Variants in PLCH1 observed in about 807,000 individuals in gnomAD.
The protein encoded by PLCH1 is phospholipase C eta 1.
PLCH1 carries 60 observed loss-of-function variants against 126.7 expected under a neutral mutation model. The ratio of observed to expected loss-of-function variants is 0.47; its 90% CI spans 0.38 to 0.59. PLCH1 has a LOEUF of 0.59. PLCH1 is among the 20% of genes least tolerant of loss of function. The probability of loss-of-function intolerance (pLI) is 0.00; values close to 1 mark genes in which losing one functional copy is unlikely to be tolerated. For synonymous variants in PLCH1, 719 were observed against 734.9 expected (o/e 0.98, Z 0.35); for missense variants, 1,723 against 2,040.0 (o/e 0.84, Z 2.99).
chr3:155,714,836 G>C (rs765034234), intron 1 of PLCH1, among the ~76,000 whole-genome samples: 15 of 152,174 alleles, frequency 9.9e-5, no homozygotes, highest in African/African-American at 3.4e-4. Flanking sequence ...CCCAAGCAAG[G>C]CTGGCCTATA....
chr3:155,719,447 A>G (rs1029562033), intron 1 of PLCH1, among the ~76,000 whole-genome samples: 12 of 152,182 alleles, frequency 7.9e-5, no homozygotes, highest in African/African-American at 2.9e-4. Context: ...GCACACCAAC[A>G]TGGCACATGT....
intron 2 of PLCH1, among the ~76,000 whole-genome samples, chr3:155,685,556 G>A (rs1228735861): frequency 1.3e-5 from 2 of 152,130 alleles, no homozygotes; most frequent in Admixed American, 6.5e-5. Context: ...AGTTGGAGAC[G>A]ATGTGACAGT....
At chr3:155,567,994 C>G (rs1203425732) in intron 7 of PLCH1, among the ~76,000 whole-genome samples, 1 of 152,116 alleles carries the variant, frequency 6.6e-6, no homozygotes, top group Non-Finnish European at 1.5e-5. Flanking sequence ...CGTGGTGGTA[C>G]CAGGTAGACT....
chr3:155,549,548 C>T (rs1725828210), intron 10 of PLCH1, among the ~76,000 whole-genome samples: 1 of 152,090 alleles, frequency 6.6e-6, no homozygotes, highest in Admixed American at 6.6e-5. Flanking sequence ...ATTTGGCTTA[C>T]AGTATTGATG....
chr3:155,540,051 C>T (rs948987427), intron 10 of PLCH1, among the ~76,000 whole-genome samples: 2 of 151,994 alleles, frequency 1.3e-5, no homozygotes, highest in South Asian at 4.1e-4. Flanking sequence ...GCACATAGAC[C>T]AATGGAACAG....
intron 10 of PLCH1, among the ~76,000 whole-genome samples, chr3:155,547,766 C>T (rs1370856922): frequency 6.6e-6 from 1 of 151,112 alleles, no homozygotes; most frequent in Admixed American, 6.6e-5. Context: ...TGGAAATCAT[C>T]ATTCTCAGTA....
chr3:155,703,463 C>T (rs1746423355), intron 2 of PLCH1, among the ~76,000 whole-genome samples: 1 of 152,196 alleles, frequency 6.6e-6, no homozygotes, highest in African/African-American at 2.4e-5. Flanking sequence ...ATTGACAGAG[C>T]TTATCCCTGA....
intron 2 of PLCH1, among the ~76,000 whole-genome samples, chr3:155,645,841 G>C (rs777963447): frequency 6.6e-6 from 1 of 152,176 alleles, no homozygotes; most frequent in African/African-American, 2.4e-5. Context: ...AGGAGGTAAA[G>C]GGAATGGGAT....
At chr3:155,714,293 G>A (rs763028531) in intron 1 of PLCH1, among the ~76,000 whole-genome samples, 41 of 148,262 alleles carry the variant, frequency 2.8e-4, no homozygotes, top group Non-Finnish European at 5.0e-4. Flanking sequence ...GATGGGGTGG[G>A]AGGGGCCAGG....
chr3:155,611,769 G>C (rs754353994), intron 2 of PLCH1, among the ~76,000 whole-genome samples: 34 of 152,094 alleles, frequency 2.2e-4, no homozygotes, highest in Non-Finnish European at 4.0e-4. Context: ...GATAGGTCAT[G>C]AAAAAAGTCT....
intron 2 of PLCH1, among the ~76,000 whole-genome samples, chr3:155,623,855 A>ATTC: frequency 6.6e-6 from 1 of 152,350 alleles, no homozygotes; most frequent in East Asian, 1.9e-4. Flanking sequence ...TTCTGAAACT[A>ATTC]TTCCAAACAA....
chr3:155,612,156 A>AAAAAT (rs1173092372), intron 2 of PLCH1, among the ~76,000 whole-genome samples: 2 of 151,880 alleles, frequency 1.3e-5, no homozygotes, highest in African/African-American at 2.4e-5. Context: ...GTCTCTACTA[A>AAAAAT]AAAATAAAAT....
chr3:155,453,793 TA>T (rs1712372489), intron 21 of PLCH1, among the ~76,000 whole-genome samples: 1 of 151,312 alleles, frequency 6.6e-6, no homozygotes. Flanking sequence ...TAATAAATTA[TA>T]AATATGTATT....
intron 17 of PLCH1, among the ~76,000 whole-genome samples, chr3:155,493,501 C>T (rs994355383): frequency 1.3e-5 from 2 of 152,120 alleles, no homozygotes; most frequent in Non-Finnish European, 2.9e-5. Flanking sequence ...GATTCTCCTA[C>T]CTCAACTTCC....
intron 2 of PLCH1, among the ~76,000 whole-genome samples, chr3:155,655,013 C>A (rs1000165532): frequency 6.6e-6 from 1 of 152,202 alleles, no homozygotes; most frequent in African/African-American, 2.4e-5. Context: ...TGTCACAGGG[C>A]CTTTGCACTT....
chr3:155,510,177 C>T (rs1173812026), intron 12 of PLCH1, among the ~76,000 whole-genome samples: 1 of 102,852 alleles, frequency 9.7e-6, no homozygotes, highest in Non-Finnish European at 1.8e-5. Context: ...AGAATTGCAA[C>T]CCCTGCCTTT....
rs370382644 is a variant in PLCH1 at position 155,672,504 on chromosome 3, G to T, written c.79+31642C>A. Among the ~76,000 whole-genome samples the T allele has an allele frequency of 3.9e-5, 6 of 152,196 alleles. 1 individual carries two copies. Among genetic ancestry groups the T allele is most frequent in the Admixed American group, 6.5e-5 (1 of 15,274 alleles). On this transcript the variant is annotated intron_variant, in intron 2 of 22. Transcript: ENST00000460012. ...CCTTCCTGCCCTAATGTTACATTTG[G>T]ACTGATTATGCAAGCAATATGACAA...
chr3:155,741,684 C>CTTTTA, intron 1 of PLCH1, among the ~76,000 whole-genome samples: 4 of 102,860 alleles, frequency 3.9e-5, no homozygotes, highest in South Asian at 3.2e-4. Context: ...TTTATATCCT[C>CTTTTA]TTTTTTTTTT....
chr3:155,569,904 G>A (rs559846458), intron 6 of PLCH1, among the ~76,000 whole-genome samples: 1 of 152,284 alleles, frequency 6.6e-6, no homozygotes, highest in South Asian at 2.1e-4. Flanking sequence ...AACTGCAGGT[G>A]AGCAGAGAAT....
Sources: allele counts gnomAD v4.1 joint callset (sites outside exome capture counted in the v4.1 genomes callset), GRCh38; gene constraint gnomAD v4.1.1; transcripts MANE v1.5; gene names NCBI Gene and HGNC (gene_info 2026-07-23, HGNC 2026-07-21).